OTOGL: variants seen among roughly 807,000 people sequenced by gnomAD.
OTOGL encodes otogelin-like protein.
OTOGL carries 285 observed loss-of-function variants against 318.5 expected under a neutral mutation model. The ratio of observed to expected loss-of-function variants is 0.89; its 90% CI spans 0.81 to 0.99. The LOEUF is 0.99. OTOGL is among the 50% of genes least tolerant of loss of function. The pLI is 0.00. For missense variants in OTOGL, 2,899 were observed against 2,845.6 expected (o/e 1.02, Z -0.43); for synonymous variants, 987 against 936.5 (o/e 1.05, Z -0.99).
At chr12:80,142,519 T>C (rs1372443996) in intron 1 of OTOGL, among the ~76,000 whole-genome samples, 1 of 152,188 alleles carries the variant, frequency 6.6e-6, no homozygotes, top group Admixed American at 6.5e-5. Flanking sequence ...TTAAATTCTG[T>C]TGTTTAATGT....
chr12:80,249,773 G>A (rs1051595970), intron 11 of OTOGL, among the ~76,000 whole-genome samples: 15 of 152,118 alleles, frequency 9.9e-5, no homozygotes, highest in Non-Finnish European at 1.5e-4. Flanking sequence ...CCTCGCTGCC[G>A]CCTTGCAGTT....
At chr12:80,244,235 A>T (rs189449751) in intron 11 of OTOGL, among the ~76,000 whole-genome samples, 9 of 150,184 alleles carry the variant, frequency 6.0e-5, no homozygotes, top group South Asian at 4.2e-4. Flanking sequence ...TTAGTTACAT[A>T]TGTATACATG....
intron 1 of OTOGL, among the ~76,000 whole-genome samples, chr12:80,138,088 T>TC (rs1234638990): frequency 6.6e-6 from 1 of 152,170 alleles, no homozygotes. Context: ...AAGTTAGATG[T>TC]CTTTTTTTAG....
chr12:80,279,725 A>G (rs543765144), intron 26 of OTOGL, among the ~76,000 whole-genome samples: 1 of 151,708 alleles, frequency 6.6e-6, no homozygotes, highest in African/African-American at 2.4e-5. Context: ...TGTCTTTGCT[A>G]TTGTGAGTAG....
In OTOGL at chr12:80,311,350, C is replaced by T. The variant is rs540709839; in HGVS notation, c.3450+623C>T. Among the ~76,000 whole-genome samples, 18 of 152,260 alleles carry T rather than the reference C, an allele frequency of 1.2e-4. No individual in the cohort carries two copies. In the East Asian group the frequency reaches 3.5e-3, roughly 29 times the overall value. ...AGATGTTGTTTTTCTCTTGGAATACCATTCTGTTTCAAAGAACAAATGATA... is the reference window on the plus strand; with the variant it reads ...AGATGTTGTTTTTCTCTTGGAATACTATTCTGTTTCAAAGAACAAATGATA... On this transcript the variant is annotated intron_variant, in intron 30 of 58. Coordinates refer to ENST00000547103, the MANE Select transcript of OTOGL (RefSeq NM_001378609.3).
chr12:80,200,810 C>G (rs1315228934), intron 1 of OTOGL, among the ~76,000 whole-genome samples: 1 of 151,988 alleles, frequency 6.6e-6, no homozygotes, highest in African/African-American at 2.4e-5. Flanking sequence ...GTGTCATGCC[C>G]TCAAAAATTC....
Position 80,378,040 on chromosome 12 carries a change from T to G in OTOGL, c.7054T>G (p.Trp2352Gly), listed in dbSNP as rs1891269934. 6.4e-7 allele frequency: 1 copy of G among 1,569,796 alleles called. No individual in the cohort carries two copies. Among genetic ancestry groups the G allele is most frequent in the Non-Finnish European group, 8.7e-7 (1 of 1,154,604 alleles). The part of the protein sequence containing the change: ...LQEPIDCTCQ[W>G]N ...GGAACCCATAGACTGTACGTGCCAG[T>G]GGAATTAAACCCTTGGGTTCCAAGA... Residue 2352 changes from tryptophan (W) to glycine (G), a missense_variant, in exon 59 of 59, where the codon TGG becomes GGG. Around this residue, in one of 3 missense-constraint regions of OTOGL, gnomAD observed 289 missense variants for 304.6 expected, o/e 0.95. Coordinates refer to ENST00000547103, the MANE Select transcript of OTOGL (RefSeq NM_001378609.3).
chr12:80,376,747 A>G (rs541305684), intron 57 of OTOGL, among the ~76,000 whole-genome samples: 2 of 152,242 alleles, frequency 1.3e-5, no homozygotes, highest in East Asian at 1.9e-4. Context: ...TTACATATGC[A>G]TATATCTACT....
intron 1 of OTOGL, among the ~76,000 whole-genome samples, chr12:80,185,148 T>C (rs553819627): frequency 2.0e-5 from 3 of 152,150 alleles, no homozygotes; most frequent in South Asian, 4.2e-4. Context: ...GCATGAGACA[T>C]ATAGAGAGGA....
intron 5 of OTOGL, among the ~76,000 whole-genome samples, chr12:80,218,795 C>CTTTTTTTTTTTTTTTTTTTTTTT (rs34204072): frequency 8.5e-6 from 1 of 118,240 alleles, no homozygotes; most frequent in Non-Finnish European, 1.7e-5. Flanking sequence ...CTTTTTCTTT[C>CTTTTTTTTTTTTTTTTTTTTTTT]TTTTTTTTTT....
chr12:80,349,865 C>T (rs1327218026), intron 44 of OTOGL, among the ~76,000 whole-genome samples: 1 of 152,138 alleles, frequency 6.6e-6, no homozygotes, highest in African/African-American at 2.4e-5. Context: ...TTTGAAGTGT[C>T]TATACATTGT....
At chr12:80,249,863 C>A (rs868335480) in intron 11 of OTOGL, among the ~76,000 whole-genome samples, 6 of 152,136 alleles carry the variant, frequency 3.9e-5, no homozygotes, top group Non-Finnish European at 7.4e-5. Context: ...GATATAGTCT[C>A]GTGGTGCGCC....
chr12:80,245,975 G>A (rs1391217905), intron 11 of OTOGL, among the ~76,000 whole-genome samples: 1 of 138,502 alleles, frequency 7.2e-6, no homozygotes, highest in Non-Finnish European at 1.5e-5. Context: ...TCTGTTGTTG[G>A]TGTATAAGAA....
At chr12:80,214,490 C>G (rs1295293966) in intron 4 of OTOGL, among the ~76,000 whole-genome samples, 8 of 152,166 alleles carry the variant, frequency 5.3e-5, no homozygotes, top group Admixed American at 5.2e-4. Flanking sequence ...CAGAAAGAAG[C>G]TAGTGCTGAA....
intron 49 of OTOGL, among the ~76,000 whole-genome samples, chr12:80,357,204 C>T (rs1889961504): frequency 6.6e-6 from 1 of 152,086 alleles, no homozygotes; most frequent in African/African-American, 2.4e-5. Flanking sequence ...AAAAATTTAG[C>T]ACTGGCTTTC....
chr12:80,140,323 G>A (rs1018991938), intron 1 of OTOGL, among the ~76,000 whole-genome samples: 10 of 152,096 alleles, frequency 6.6e-5, no homozygotes, highest in Admixed American at 2.6e-4. Flanking sequence ...GTAAATTATT[G>A]GCTTCTTTGG....
chr12:80,109,326 G>A (rs1452265418), intron 1 of OTOGL, among the ~76,000 whole-genome samples: 11 of 152,008 alleles, frequency 7.2e-5, no homozygotes, highest in African/African-American at 2.4e-4. Flanking sequence ...AACAACACAG[G>A]GTTCTTTCTC....
chr12:80,380,821 T>C lies in OTOGL; in HGVS notation c.*2773T>C, dbSNP rs1478687993. The C allele has an allele frequency of 3.3e-5, 5 of 152,136 alleles. No homozygotes were observed. Among genetic ancestry groups the C allele is most frequent in the Middle Eastern group, 3.2e-3 (1 of 316 alleles). The allele number at this position is 152,136 out of a possible 1,614,324, so 9.4% of individuals were successfully genotyped here. On this transcript the variant is annotated 3_prime_UTR_variant, in exon 59 of 59. Transcript: ENST00000547103. Reference sequence around the variant, plus strand: ...AAGTGGTATTTGTGAAGGTTATTAATTGCAGCATTGTTTGTAATAGAAAAA... The same window carrying C: ...AAGTGGTATTTGTGAAGGTTATTAACTGCAGCATTGTTTGTAATAGAAAAA...
intron 5 of OTOGL, among the ~76,000 whole-genome samples, chr12:80,219,275 C>A (rs1026095545): frequency 2.6e-5 from 4 of 152,164 alleles, no homozygotes; most frequent in African/African-American, 9.7e-5. Context: ...CCACACCCAG[C>A]TAATTTTTGT....
Sources: allele counts gnomAD v4.1 joint callset (sites outside exome capture counted in the v4.1 genomes callset), GRCh38; gene constraint gnomAD v4.1.1; regional missense constraint gnomAD v4.1.1; transcripts MANE v1.5; gene names NCBI Gene and HGNC (gene_info 2026-07-23, HGNC 2026-07-21).